UBE3A: variants seen among roughly 807,000 people sequenced by gnomAD.
The protein encoded by UBE3A is ubiquitin protein ligase E3A, also known as ubiquitin-protein ligase E3A.
Under a neutral mutation model 83.4 loss-of-function variants are expected in UBE3A, and 6 were observed. The observed-to-expected ratio is 0.07, with a 90% CI of 0.04 to 0.14. The LOEUF is 0.14. Among genes scored for constraint, UBE3A ranks in the 10% least tolerant of loss-of-function variants. The pLI is 1.00. For synonymous variants in UBE3A, 337 were observed against 355.4 expected (o/e 0.95, Z 0.58); for missense variants, 456 against 1,036.1 (o/e 0.44, Z 7.69).
intron 4 of UBE3A, among the ~76,000 whole-genome samples, chr15:25,398,985 A>T (rs1011229021): frequency 2.6e-5 from 4 of 150,996 alleles, no homozygotes; most frequent in African/African-American, 9.7e-5. Context: ...TAGCCATTCT[A>T]ATGGCCATTT....
At chr15:25,376,153 A>G (rs2081173824) in intron 4 of UBE3A, among the ~76,000 whole-genome samples, 1 of 152,200 alleles carries the variant, frequency 6.6e-6, no homozygotes. Context: ...TAGGAAAATG[A>G]GTCTATTTAA....
At chr15:25,380,302 A>C (rs1290664190) in intron 4 of UBE3A, among the ~76,000 whole-genome samples, 1 of 152,074 alleles carries the variant, frequency 6.6e-6, no homozygotes, top group East Asian at 1.9e-4. Context: ...CTAATACAAT[A>C]TACTATATAG....
At chr15:25,415,008 C>G (rs187060673) in intron 1 of UBE3A, among the ~76,000 whole-genome samples, 2 of 152,236 alleles carry the variant, frequency 1.3e-5, no homozygotes, top group East Asian at 1.9e-4. Context: ...AGCTTTCAGT[C>G]CTTTAGTAAA....
chr15:25,419,948 T>G (rs1888930386), intron 1 of UBE3A, among the ~76,000 whole-genome samples: 1 of 152,024 alleles, frequency 6.6e-6, no homozygotes, highest in Non-Finnish European at 1.5e-5. Context: ...AATGCTCCAT[T>G]AACCGAAAAG....
chr15:25,375,206 C>G, intron 5 of UBE3A: 1 of 447,138 alleles, frequency 2.2e-6, no homozygotes, highest in Non-Finnish European at 4.0e-6. Context: ...CCACTTAATA[C>G]ATTTTTCCTA....
rs193260611 is a variant in UBE3A, at chr15:25,387,825, A to G, written c.63-12062T>C. ...CTCATGGACATTAAAAGGATAATCA[A>G]GGGATATTATGAACAACTTTACGGC... On this transcript the variant is annotated intron_variant, in intron 4 of 12. Coordinates refer to ENST00000648336, the MANE Select transcript of UBE3A (RefSeq NM_130839.5). Among the ~76,000 whole-genome samples, 201 of 152,320 alleles carry G rather than the reference A, an allele frequency of 1.3e-3. 4 individuals carry two copies. The highest frequency in any genetic ancestry group is 0.013 in the Admixed American group (200 of 15,296).
chr15:25,350,750 T>C (rs2076383159), intron 11 of UBE3A, among the ~76,000 whole-genome samples: 3 of 152,194 alleles, frequency 2.0e-5, no homozygotes, highest in African/African-American at 7.2e-5. Flanking sequence ...TACTCTATAA[T>C]TTTTTAAAAG....
At chr15:25,351,672 T>C (rs2076529655) in intron 11 of UBE3A, among the ~76,000 whole-genome samples, 1 of 152,130 alleles carries the variant, frequency 6.6e-6, no homozygotes, top group African/African-American at 2.4e-5. Context: ...GTTTCCCCCA[T>C]GTTTGCCAGG....
chr15:25,419,559 G>A (rs138639709), intron 1 of UBE3A: 65 of 151,626 alleles, frequency 4.3e-4, no homozygotes, highest in African/African-American at 1.5e-3. Flanking sequence ...CAACAAACTT[G>A]GATCTACAAA....
chr15:25,360,300 TG>T, intron 7 of UBE3A, 82 bp downstream of exon 7: 1 of 1,582,150 alleles, frequency 6.3e-7, no homozygotes, highest in Non-Finnish European at 8.6e-7. Context: ...TCTTCATAGC[TG>T]AAAATATTTA....
intron 6 of UBE3A, among the ~76,000 whole-genome samples, chr15:25,365,678 G>A (rs1441245084): frequency 6.6e-6 from 1 of 151,380 alleles, no homozygotes; most frequent in Non-Finnish European, 1.5e-5. Flanking sequence ...AACCTGGGAG[G>A]CGGGGCTTGC....
In UBE3A at chr15:25,339,001, TTGAC is replaced by T; in HGVS notation, c.*132_*135del. ...GCACAGACATAGGTGACTACTGTGG[TTGAC>T]TATCTTACAGCCTTTTTGTACTGGG... On this transcript the variant is annotated 3_prime_UTR_variant, in exon 13 of 13. Transcript: ENST00000648336. 2 of 1,006,928 alleles carry T rather than the reference TTGAC, an allele frequency of 2.0e-6. No homozygotes were observed. The highest frequency in any genetic ancestry group is 4.0e-5 in the South Asian group (2 of 49,970). 62.4% of individuals were successfully genotyped at this position (1,006,928 alleles called of 1,614,324 possible).
In UBE3A at chr15:25,336,702, A is replaced by G. The variant is rs2152499016; in HGVS notation, c.*2435T>C. 6.6e-6 allele frequency: 1 copy of G among 152,220 alleles called. No homozygotes were observed. Among genetic ancestry groups the G allele is most frequent in the South Asian group, 2.1e-4 (1 of 4,820 alleles). The allele number at this position is 152,220 out of a possible 1,614,324, so 9.4% of individuals were successfully genotyped here. ...TGCAGGCTGTTTTCATGTTTTATGT[A>G]TGTTTGAAATGTTCTATAATAATAA... On this transcript the variant is annotated 3_prime_UTR_variant, in exon 13 of 13. Transcript: ENST00000648336.
intron 11 of UBE3A, among the ~76,000 whole-genome samples, chr15:25,353,281 C>T (rs1595555615): frequency 6.6e-6 from 1 of 152,154 alleles, no homozygotes; most frequent in East Asian, 1.9e-4. Flanking sequence ...CTGGTGAATT[C>T]CCACATACCA....
intron 11 of UBE3A, among the ~76,000 whole-genome samples, chr15:25,340,955 C>CACTT (rs1330152758): frequency 2.0e-5 from 3 of 152,134 alleles, no homozygotes; most frequent in Non-Finnish European, 1.5e-5. Flanking sequence ...GTTTTAATGA[C>CACTT]ACTTATGTTA....
intron 11 of UBE3A, among the ~76,000 whole-genome samples, chr15:25,340,883 C>CAGTT (rs1459836514): frequency 1.3e-5 from 2 of 152,080 alleles, no homozygotes; most frequent in Non-Finnish European, 2.9e-5. Context: ...CTGCCACCTG[C>CAGTT]AGTTATTTTA....
At position 25,356,691 on chromosome 15, in the gene UBE3A, T is replaced by C. The variant is rs956722156; in HGVS notation, c.1959A>G (p.Pro653=). 6.2e-7 allele frequency: 1 copy of C among 1,612,306 alleles called. No individual in the cohort carries two copies. The highest frequency in any genetic ancestry group is 8.5e-7 in the Non-Finnish European group (1 of 1,179,620). ...ATTAAAAAAATGACAAAGAACTTAC[T>C]GGGTGAGAGTCTCCCAAGTCACGAA... ...GTFRDLGDSH[P]VLYQSLKDLL... is the part of the protein sequence containing the mutation. The change falls in exon 8 of 13, where the codon CCA becomes CCG. Residue 653 remains proline (P), a splice_region_variant and synonymous_variant. Transcript: ENST00000648336.
chr15:25,404,688 A>G (rs2088027054), intron 4 of UBE3A, among the ~76,000 whole-genome samples: 1 of 152,110 alleles, frequency 6.6e-6, no homozygotes, highest in African/African-American at 2.4e-5. Flanking sequence ...CAAACTTACT[A>G]TCTACCTACT....
At position 25,344,071 on chromosome 15, in the gene UBE3A, T is replaced by A. The variant is rs539355314; in HGVS notation, c.2355-3843A>T. Among the ~76,000 whole-genome samples, 14 of 152,346 alleles carry A rather than the reference T, an allele frequency of 9.2e-5. No individual in the cohort carries two copies. In the East Asian group the frequency reaches 2.5e-3, roughly 27 times the overall value. ...TGGCAGTATCTAGCAAAATTACACA[T>A]GCATCTACCATTTGATGCAACAATC... On this transcript the variant is annotated intron_variant, in intron 11 of 12. Coordinates refer to ENST00000648336, the MANE Select transcript of UBE3A (RefSeq NM_130839.5).
Sources: allele counts gnomAD v4.1 joint callset (sites outside exome capture counted in the v4.1 genomes callset), GRCh38; gene constraint gnomAD v4.1.1; transcripts MANE v1.5; gene names NCBI Gene and HGNC (gene_info 2026-07-23, HGNC 2026-07-21).